Variants in TRIM22 observed in about 807,000 individuals in gnomAD.
The protein encoded by TRIM22 is E3 ubiquitin-protein ligase TRIM22.
A neutral mutation model predicts 53.6 loss-of-function variants in TRIM22; 45 were observed. The observed-to-expected ratio is 0.84, with a 90% CI of 0.66 to 1.08. The LOEUF is 1.08. Among genes scored for constraint, TRIM22 ranks in the 50% least tolerant of loss-of-function variants. TRIM22 has a pLI of 0.00. For synonymous variants in TRIM22, 225 were observed against 216.6 expected (o/e 1.04, Z -0.34); for missense variants, 616 against 590.9 (o/e 1.04, Z -0.44).
chr11:5,704,513 T>G (rs117867806), intron 4 of TRIM22, among the ~76,000 whole-genome samples: 1 of 152,328 alleles, frequency 6.6e-6, no homozygotes, highest in East Asian at 1.9e-4. Flanking sequence ...ATTTATAGAT[T>G]CTGGATATTA....
Position 5,710,553 on chromosome 11 carries a change from C to T in TRIM22, c.*905C>T, listed in dbSNP as rs1853543981. 1 of 152,148 alleles carries T rather than the reference C, an allele frequency of 6.6e-6. No individual in the cohort carries two copies. The highest frequency in any genetic ancestry group is 6.5e-5 in the Admixed American group (1 of 15,276). 9.4% of individuals were successfully genotyped at this position (152,148 alleles called of 1,614,324 possible). ...ATTTGCTAATAGTGGATTTTTAATG[C>T]TCAGAGTTTCTGAGGTCAAATTTTA... On this transcript the variant is annotated 3_prime_UTR_variant, in exon 8 of 8. Transcript: ENST00000379965.
At chr11:5,697,407 C>A in intron 3 of TRIM22, 64 bp downstream of exon 3, 2 of 1,162,130 alleles carry the variant, frequency 1.7e-6, no homozygotes, top group Non-Finnish European at 2.5e-6. Flanking sequence ...TGGGCTCTAT[C>A]ACAAGGAGAC....
At chr11:5,704,148 C>A (rs1405855266) in intron 4 of TRIM22, among the ~76,000 whole-genome samples, 1 of 152,196 alleles carries the variant, frequency 6.6e-6, no homozygotes, top group South Asian at 2.1e-4. Context: ...TGGGTATATA[C>A]CCAAAGGAAA....
intron 3 of TRIM22, 162 bp downstream of exon 3, chr11:5,697,505 G>A (rs1590313729): frequency 1.8e-6 from 1 of 547,598 alleles, no homozygotes. Context: ...GGAGTTTAGG[G>A]GCTGGAGAGT....
At position 5,708,030 on chromosome 11, in the gene TRIM22, T is replaced by C. The variant is rs769172433; in HGVS notation, c.774-143T>C. On this transcript the variant is annotated intron_variant, in intron 5 of 7. Transcript: ENST00000379965. ...ATGAGCACATTTCTCTGGACTCCAGTGTCAGGCATCTCCCCTCTACTGTCC... is the reference window on the plus strand; with the variant it reads ...ATGAGCACATTTCTCTGGACTCCAGCGTCAGGCATCTCCCCTCTACTGTCC... 70 of 625,292 alleles carry C rather than the reference T, an allele frequency of 1.1e-4. 1 individual carries two copies. Among genetic ancestry groups the C allele is most frequent in the Non-Finnish European group, 1.4e-4 (50 of 351,804 alleles). 38.7% of individuals were successfully genotyped at this position (625,292 alleles called of 1,614,324 possible).
In TRIM22 at chr11:5,699,206, T is replaced by C. The variant is rs555985005; in HGVS notation, c.750+661T>C. Reference sequence around the variant, plus strand: ...ATGTCCTCATACAAACATGTTTTCATTTATCTTGAGTAGATTTTAAGAGTG... The same window carrying C: ...ATGTCCTCATACAAACATGTTTTCACTTATCTTGAGTAGATTTTAAGAGTG... On this transcript the variant is annotated intron_variant, in intron 4 of 7. Transcript: ENST00000379965. Among the ~76,000 whole-genome samples the C allele has an allele frequency of 1.2e-4, 18 of 152,320 alleles. No individual in the cohort carries two copies. In the East Asian group the frequency reaches 3.3e-3, roughly 28 times the overall value.
At chr11:5,701,213 C>T (rs1407200002) in intron 4 of TRIM22, among the ~76,000 whole-genome samples, 1 of 152,120 alleles carries the variant, frequency 6.6e-6, no homozygotes, top group Non-Finnish European at 1.5e-5. Context: ...ATGCTGACCT[C>T]ATAGAATGTG....
chr11:5,704,897 G>A (rs955471444), intron 4 of TRIM22, among the ~76,000 whole-genome samples: 5 of 152,178 alleles, frequency 3.3e-5, no homozygotes, highest in Non-Finnish European at 5.9e-5. Context: ...AGGTGGCAGA[G>A]AGCTGAGGAA....
intron 1 of TRIM22, among the ~76,000 whole-genome samples, chr11:5,695,400 A>C (rs892774934): frequency 6.6e-5 from 10 of 152,160 alleles, no homozygotes; most frequent in Admixed American, 4.6e-4. Context: ...TATTTTTTAC[A>C]TGGGGAAAAA....
At chr11:5,694,105 C>T (rs1198879584) in intron 1 of TRIM22, among the ~76,000 whole-genome samples, 1 of 152,206 alleles carries the variant, frequency 6.6e-6, no homozygotes, top group Non-Finnish European at 1.5e-5. Flanking sequence ...CTAATGAGCA[C>T]ATGGTAACTA....
At chr11:5,695,283 G>A (rs78112504) in intron 1 of TRIM22, among the ~76,000 whole-genome samples, 11,769 of 152,206 alleles carry the variant, frequency 0.077, 740 homozygotes, top group East Asian at 0.35. Context: ...TGAATTAAAT[G>A]TAAGAGTGAG....
chr11:5,691,258 C>T (rs953868274), intron 1 of TRIM22: 2 of 152,224 alleles, frequency 1.3e-5, no homozygotes, highest in Admixed American at 6.5e-5. Context: ...GTGAGCAATT[C>T]CTGTCCCTTT....
intron 2 of TRIM22, 24 bp from the exon 3 acceptor site, chr11:5,697,224 T>C (rs745430542): frequency 6.4e-7 from 1 of 1,565,082 alleles, no homozygotes; most frequent in Non-Finnish European, 8.7e-7. Context: ...ATAACTTTAC[T>C]CTGGTATAAT....
At chr11:5,706,819 CGGAGGCCTTA>C (rs1298972222) in intron 5 of TRIM22, among the ~76,000 whole-genome samples, 1 of 152,170 alleles carries the variant, frequency 6.6e-6, no homozygotes, top group Non-Finnish European at 1.5e-5. Flanking sequence ...TTAGGGTCGA[CGGAGGCCTTA>C]GGAATAAGAG....
At position 5,696,435 on chromosome 11, in the gene TRIM22, T is replaced by G. The variant is rs201847190; in HGVS notation, c.203T>G (p.Leu68Arg). 1 of 1,614,186 alleles carries G rather than the reference T, an allele frequency of 6.2e-7. No homozygotes were observed. Among genetic ancestry groups the G allele is most frequent in the Non-Finnish European group, 8.5e-7 (1 of 1,180,028 alleles). Reference protein sequence around the residue: ...VCQTRFQPGNLRPNRHLANIV... With the variant: ...VCQTRFQPGNRRPNRHLANIV... ...CAGACCAGATTCCAGCCTGGGAACCTCCGACCTAATCGGCATCTGGCCAAC... is the reference window on the plus strand; with the variant it reads ...CAGACCAGATTCCAGCCTGGGAACCGCCGACCTAATCGGCATCTGGCCAAC... The change falls in exon 2 of 8, where the codon CTC (leucine) becomes CGC (arginine). Residue 68 changes from leucine to arginine, a missense_variant. Physicochemically the swap from Leu to Arg is moderately radical, Grantham distance 102 (BLOSUM62 -2). Transcript: ENST00000379965.
chr11:5,698,044 G>A, intron 3 of TRIM22: 1 of 383,770 alleles, frequency 2.6e-6, no homozygotes, highest in Non-Finnish European at 4.9e-6. Flanking sequence ...AGTTGTTCAG[G>A]ACAGGTGTCT....
intron 5 of TRIM22, among the ~76,000 whole-genome samples, chr11:5,707,812 A>AAAACAAACAAACAAAC (rs35942918): frequency 3.3e-5 from 5 of 151,828 alleles, no homozygotes; most frequent in East Asian, 1.9e-4. Flanking sequence ...ACCCCATCTC[A>AAAACAAACAAACAAAC]AAACAAACAA....
intron 4 of TRIM22, among the ~76,000 whole-genome samples, chr11:5,702,274 T>G (rs1853386684): frequency 6.9e-6 from 1 of 145,412 alleles, no homozygotes; most frequent in Non-Finnish European, 1.5e-5. Context: ...ATATAACTAA[T>G]ATGCCTAAAG....
intron 5 of TRIM22, 140 bp downstream of exon 5, chr11:5,706,756 C>A: frequency 2.3e-6 from 2 of 882,432 alleles, no homozygotes; most frequent in South Asian, 2.2e-5. Context: ...AATTGCTAGT[C>A]ACAGATTAAA....
Sources: allele counts gnomAD v4.1 joint callset (sites outside exome capture counted in the v4.1 genomes callset), GRCh38; gene constraint gnomAD v4.1.1; transcripts MANE v1.5; gene names NCBI Gene and HGNC (gene_info 2026-07-23, HGNC 2026-07-21).